Variants in RALY observed in about 807,000 individuals in gnomAD.
RALY encodes RALY heterogeneous nuclear ribonucleoprotein.
Under a neutral mutation model 30.7 loss-of-function variants are expected in RALY, and 15 were observed. That is an observed-to-expected ratio of 0.49 (90% CI 0.33 to 0.75). RALY has a LOEUF of 0.75. Ranked by LOEUF, RALY falls within the 30% of genes least tolerant of loss-of-function variation. The probability of loss-of-function intolerance (pLI) is 0.02; values close to 1 mark genes in which losing one functional copy is unlikely to be tolerated. For missense variants in RALY, 339 were observed against 414.3 expected (o/e 0.82, Z 1.58); for synonymous variants, 177 against 170.8 (o/e 1.04, Z -0.28).
chr20:34,013,996 A>G (rs1043481071), intron 1 of RALY, among the ~76,000 whole-genome samples: 1 of 152,314 alleles, frequency 6.6e-6, no homozygotes, highest in Non-Finnish European at 1.5e-5. Flanking sequence ...TCTGTTTTGC[A>G]AGAATACATA....
chr20:34,067,476 G>A (rs1286070597), intron 2 of RALY, among the ~76,000 whole-genome samples: 2 of 152,178 alleles, frequency 1.3e-5, no homozygotes, highest in Non-Finnish European at 2.9e-5. Flanking sequence ...AGTGGCTGTT[G>A]TTACTGTGAC....
chr20:34,077,469 C>G (rs2033925639), intron 8 of RALY: 1 of 950,990 alleles, frequency 1.1e-6, no homozygotes, highest in Non-Finnish European at 1.5e-6. Flanking sequence ...CAGACCTCCC[C>G]CAAATGCGGG....
chr20:34,000,504 C>T (rs2030864674), intron 1 of RALY, among the ~76,000 whole-genome samples: 1 of 152,170 alleles, frequency 6.6e-6, no homozygotes, highest in Non-Finnish European at 1.5e-5. Flanking sequence ...ACAGCCTTGC[C>T]TTATTTCCTC....
chr20:34,076,419 A>G (rs559659027), intron 6 of RALY, among the ~76,000 whole-genome samples: 2 of 152,336 alleles, frequency 1.3e-5, no homozygotes, highest in South Asian at 4.1e-4. Context: ...AGGTGCACAC[A>G]GAAGAGCACA....
intron 8 of RALY, 76 bp downstream of exon 8, chr20:34,077,321 G>C (rs2033921054): frequency 6.3e-7 from 1 of 1,585,470 alleles, no homozygotes; most frequent in East Asian, 2.3e-5. Flanking sequence ...GGAATGGGCA[G>C]CCTGAGCTGG....
intron 6 of RALY, chr20:34,076,355 C>G: frequency 2.0e-6 from 1 of 500,910 alleles, no homozygotes; most frequent in African/African-American, 1.9e-5. Flanking sequence ...TACACACATG[C>G]TGCTTAACTA....
chr20:34,045,052 G>A (rs1031771755), intron 2 of RALY, among the ~76,000 whole-genome samples: 4 of 152,016 alleles, frequency 2.6e-5, no homozygotes, highest in African/African-American at 9.7e-5. Context: ...TGGGACTACA[G>A]GCATGCACCA....
chr20:34,012,017 G>T (rs912401585), intron 1 of RALY, among the ~76,000 whole-genome samples: 1 of 151,474 alleles, frequency 6.6e-6, no homozygotes, highest in Non-Finnish European at 1.5e-5. Flanking sequence ...AGTAAGCCGA[G>T]CTTGCGCCAC....
intron 8 of RALY, chr20:34,077,642 C>G (rs750840600): frequency 2.3e-4 from 73 of 314,648 alleles, no homozygotes; most frequent in Admixed American, 1.2e-3. Context: ...AAGCATGAAG[C>G]AAAAGCTGTC....
At chr20:34,076,603 A>G (rs1202222236) in intron 6 of RALY, 99 bp from the exon 7 acceptor site, 7 of 1,088,918 alleles carry the variant, frequency 6.4e-6, no homozygotes, top group South Asian at 1.5e-5. Flanking sequence ...AAAACAAAAA[A>G]TAACTGCTTT....
chr20:34,072,450 T>G (rs2033754588), intron 3 of RALY, 120 bp downstream of exon 3: 2 of 1,304,772 alleles, frequency 1.5e-6, no homozygotes, highest in South Asian at 1.6e-5. Context: ...TTTTATAAAT[T>G]TATAAGCTAT....
chr20:34,007,061 C>T (rs1001358765), intron 1 of RALY, among the ~76,000 whole-genome samples: 6 of 152,138 alleles, frequency 3.9e-5, no homozygotes, highest in African/African-American at 1.4e-4. Context: ...TCTTAACCCT[C>T]ATGACAACCC....
chr20:34,076,757 T>C lies in RALY; in HGVS notation c.600T>C (p.Asn200=). The C allele has an allele frequency of 6.2e-7, 1 of 1,613,998 alleles. No homozygotes were observed. The highest frequency in any genetic ancestry group is 8.5e-7 in the Non-Finnish European group (1 of 1,180,006). ...IKTELTQIKS[N]IDALLSRLEQ... ...CGGAGCTGACACAGATCAAGTCCAA[T>C]ATCGATGCCCTGCTGAGCCGCTTGG... is the stretch of plus-strand genomic sequence containing the variant. The change falls in exon 7 of 10, where the codon AAT becomes AAC. Residue 200 remains asparagine (N), a synonymous_variant. Transcript: ENST00000246194.
At chr20:34,040,340 T>C (rs955177338) in intron 2 of RALY, among the ~76,000 whole-genome samples, 1 of 152,172 alleles carries the variant, frequency 6.6e-6, no homozygotes, top group African/African-American at 2.4e-5. Context: ...GCATGTCAGC[T>C]TTTTTAACAT....
intron 2 of RALY, among the ~76,000 whole-genome samples, chr20:34,044,635 G>A (rs1047582353): frequency 6.6e-5 from 10 of 152,128 alleles, no homozygotes; most frequent in East Asian, 1.9e-4. Context: ...CACACCTGAC[G>A]TGTGTTAACA....
chr20:34,039,648 CCATT>C (rs1447301377), intron 2 of RALY, among the ~76,000 whole-genome samples: 1 of 152,108 alleles, frequency 6.6e-6, no homozygotes, highest in Non-Finnish European at 1.5e-5. Context: ...TGATTTCAGG[CCATT>C]CAATTTGCAT....
chr20:34,031,210 A>C (rs2032262443), intron 1 of RALY, among the ~76,000 whole-genome samples: 1 of 96,938 alleles, frequency 1.0e-5, no homozygotes, highest in African/African-American at 3.7e-5. Flanking sequence ...ATGCCTGGCT[A>C]ATTTTTTTTT....
At chr20:34,031,865 A>G (rs2032291984) in intron 2 of RALY, among the ~76,000 whole-genome samples, 1 of 152,222 alleles carries the variant, frequency 6.6e-6, no homozygotes, top group African/African-American at 2.4e-5. Flanking sequence ...TGCTTCTGCT[A>G]GCTGCTTTCT....
chr20:34,072,327 C>T lies in RALY; in HGVS notation c.253C>T (p.Leu85=). Residue 85 remains leucine (L), a synonymous_variant, in exon 3 of 10, where the codon CTG becomes TTG. Transcript: ENST00000246194. Reference sequence around the variant, plus strand: ...TGGGCGGGTGCTGGCCGGGCAGACCCTGGGTAAGCCTCTCTTCACTATATT... The same window carrying T: ...TGGGCGGGTGCTGGCCGGGCAGACCTTGGGTAAGCCTCTCTTCACTATATT... The part of the protein sequence containing the change: ...ENGRVLAGQT[L]DINMAGEPKP... 1 of 1,611,000 alleles carries T rather than the reference C, an allele frequency of 6.2e-7. No homozygotes were observed. Among genetic ancestry groups the T allele is most frequent in the Non-Finnish European group, 8.5e-7 (1 of 1,179,684 alleles).
Sources: gnomAD v4.1 joint callset for allele counts (sites outside exome capture counted in the v4.1 genomes callset) on GRCh38, gnomAD v4.1.1 for gene constraint, MANE v1.5 for transcripts, NCBI Gene and HGNC (gene_info 2026-07-23, HGNC 2026-07-21) for gene names.